The following PDGFC variants were observed in gnomAD, a reference collection of about 807,000 sequenced individuals.
PDGFC encodes platelet derived growth factor C, also known as platelet-derived growth factor C.
PDGFC carries 12 observed loss-of-function variants against 35.5 expected under a neutral mutation model. The ratio of observed to expected loss-of-function variants is 0.34; its 90% CI spans 0.22 to 0.55. The LOEUF (loss-of-function observed/expected upper bound fraction) is 0.55. PDGFC is among the 20% of genes least tolerant of loss of function. The pLI is 0.91. For synonymous variants in PDGFC, 159 were observed against 148.8 expected, an observed-to-expected ratio of 1.07 and a Z score of -0.50; for missense variants, 322 against 412.4, an observed-to-expected ratio of 0.78 and a Z score of 1.90.
At chr4:156,844,358 T>C (rs1729274970) in intron 2 of PDGFC, among the ~76,000 whole-genome samples, 1 of 151,668 alleles carries the variant, frequency 6.6e-6, no homozygotes, top group Non-Finnish European at 1.5e-5. Context: ...AAAAGAAAAA[T>C]GGAATAAGAA....
At chr4:156,774,207 C>T (rs1238178499) in intron 3 of PDGFC, among the ~76,000 whole-genome samples, 1 of 152,192 alleles carries the variant, frequency 6.6e-6, no homozygotes, top group Non-Finnish European at 1.5e-5. Context: ...CCACTCTAAT[C>T]TGCTACTCAT....
intron 1 of PDGFC, among the ~76,000 whole-genome samples, chr4:156,912,837 T>C (rs1301413614): frequency 6.6e-6 from 1 of 152,004 alleles, no homozygotes; most frequent in Non-Finnish European, 1.5e-5. Flanking sequence ...CTACCCAGAA[T>C]ATCTTTAATT....
intron 2 of PDGFC, among the ~76,000 whole-genome samples, chr4:156,825,588 AATAAT>A (rs1560828353): frequency 4.1e-5 from 4 of 97,290 alleles, no homozygotes; most frequent in Non-Finnish European, 8.1e-5. Context: ...TAATAATAAT[AATAAT>A]AAGAAGAAGA....
At chr4:156,882,894 C>A (rs1035207355) in intron 1 of PDGFC, among the ~76,000 whole-genome samples, 2 of 152,052 alleles carry the variant, frequency 1.3e-5, no homozygotes, top group Admixed American at 1.3e-4. Flanking sequence ...ACCATCCTGG[C>A]TAACAAGGTG....
intron 1 of PDGFC, among the ~76,000 whole-genome samples, chr4:156,953,796 T>C (rs942882336): frequency 1.3e-5 from 2 of 151,874 alleles, no homozygotes; most frequent in Non-Finnish European, 2.9e-5. Context: ...GCAGTCTATG[T>C]TCACTATCAA....
intron 1 of PDGFC, among the ~76,000 whole-genome samples, chr4:156,966,797 G>A (rs1560894847): frequency 6.6e-6 from 1 of 152,118 alleles, no homozygotes; most frequent in Non-Finnish European, 1.5e-5. Context: ...TAGTCCCTGA[G>A]GCTTCCTACA....
chr4:156,846,938 TC>T (rs1486687226), intron 2 of PDGFC, among the ~76,000 whole-genome samples: 1 of 151,778 alleles, frequency 6.6e-6, no homozygotes, highest in African/African-American at 2.4e-5. Flanking sequence ...AATCCTTTAG[TC>T]CCAACGGCTG....
chr4:156,783,608 A>G (rs1560809696), intron 3 of PDGFC, among the ~76,000 whole-genome samples: 1 of 152,130 alleles, frequency 6.6e-6, no homozygotes, highest in African/African-American at 2.4e-5. Flanking sequence ...GACTACCTCT[A>G]AGCTGGTCGA....
intron 2 of PDGFC, among the ~76,000 whole-genome samples, chr4:156,815,366 A>C (rs1003864533): frequency 3.0e-5 from 4 of 132,744 alleles, no homozygotes; most frequent in African/African-American, 5.6e-5. Flanking sequence ...ACACACACAC[A>C]CCCCGTTGTC....
rs933604188 is a variant in PDGFC at position 156,761,066 on chromosome 4, A to G, written c.*2024T>C. ...GGCAGGGCAGAACTGCAGGTGTCAAAGCACAGGAAAAGGGTGCTTGCCTGA... is the reference window on the plus strand; with the variant it reads ...GGCAGGGCAGAACTGCAGGTGTCAAGGCACAGGAAAAGGGTGCTTGCCTGA... On this transcript the variant is annotated 3_prime_UTR_variant, in exon 6 of 6. Coordinates refer to ENST00000502773, the MANE Select transcript of PDGFC (RefSeq NM_016205.3). 6.6e-6 allele frequency: 1 copy of G among 152,246 alleles called. No homozygotes were observed. Among genetic ancestry groups the G allele is most frequent in the Non-Finnish European group, 1.5e-5 (1 of 68,062 alleles). The allele number at this position is 152,246 out of a possible 1,614,324, so 9.4% of individuals were successfully genotyped here.
rs117425665 is a variant in PDGFC, at chr4:156,921,399, A to T, written c.118+49387T>A. Among the ~76,000 whole-genome samples, 1,125 of 152,276 alleles carry T rather than the reference A, an allele frequency of 7.4e-3. 14 individuals are homozygous for T. The highest frequency in any genetic ancestry group is 0.074 in the East Asian group (381 of 5,176). ...GAATGGTGCTGAACTTCCCATAACA[A>T]ATGAGATGGGATGTATTTGGTTATT... is the stretch of plus-strand genomic sequence containing the variant. On this transcript the variant is annotated intron_variant, in intron 1 of 5. Transcript: ENST00000502773.
chr4:156,800,850 T>C (rs973059028), intron 3 of PDGFC, among the ~76,000 whole-genome samples: 2 of 152,190 alleles, frequency 1.3e-5, no homozygotes, highest in Non-Finnish European at 2.9e-5. Flanking sequence ...TAGTCATTCC[T>C]AGACAAAGCT....
chr4:156,878,542 T>C (rs1013399941), intron 1 of PDGFC, among the ~76,000 whole-genome samples: 1 of 152,180 alleles, frequency 6.6e-6, no homozygotes, highest in Non-Finnish European at 1.5e-5. Flanking sequence ...TTATCCAAAA[T>C]GGTTGTGACC....
chr4:156,963,690 A>C (rs1732395775), intron 1 of PDGFC, among the ~76,000 whole-genome samples: 1 of 152,172 alleles, frequency 6.6e-6, no homozygotes, highest in Non-Finnish European at 1.5e-5. Flanking sequence ...TGAAGGTGGC[A>C]CATGAATTCT....
intron 3 of PDGFC, among the ~76,000 whole-genome samples, chr4:156,803,903 T>C (rs1213898508): frequency 6.6e-6 from 1 of 152,104 alleles, no homozygotes; most frequent in African/African-American, 2.4e-5. Context: ...CAAACAAGTT[T>C]AGTGTTGAAC....
At chr4:156,935,143 G>A (rs781282802) in intron 1 of PDGFC, among the ~76,000 whole-genome samples, 9 of 151,964 alleles carry the variant, frequency 5.9e-5, no homozygotes, top group South Asian at 2.1e-4. Context: ...GACTACAGGC[G>A]TGCACCACCA....
At chr4:156,825,551 A>AAATAATAATAAT (rs565531965) in intron 2 of PDGFC, among the ~76,000 whole-genome samples, 1 of 93,938 alleles carries the variant, frequency 1.1e-5, no homozygotes, top group Non-Finnish European at 2.0e-5. Context: ...CCCTGTCTCC[A>AAATAATAATAAT]AATAATAATA....
intron 1 of PDGFC, among the ~76,000 whole-genome samples, chr4:156,936,441 A>C (rs1731683781): frequency 6.6e-6 from 1 of 152,186 alleles, no homozygotes; most frequent in African/African-American, 2.4e-5. Flanking sequence ...TTGGTTTAAT[A>C]AATGATTACT....
intron 5 of PDGFC, 46 bp downstream of exon 5, chr4:156,767,727 G>C: frequency 8.4e-7 from 1 of 1,187,996 alleles, no homozygotes; most frequent in Non-Finnish European, 1.3e-6. Flanking sequence ...TTTGTTCTAA[G>C]ACATAAAATA....
Sources: allele counts gnomAD v4.1 joint callset (sites outside exome capture counted in the v4.1 genomes callset), GRCh38; gene constraint gnomAD v4.1.1; transcripts MANE v1.5; gene names NCBI Gene and HGNC (gene_info 2026-07-23, HGNC 2026-07-21).